The following SMIM14 variants were observed in gnomAD, a reference collection of about 807,000 sequenced individuals.
SMIM14 encodes the protein chromosome 4 open reading frame 34.
In SMIM14, 5 loss-of-function variants were observed where a neutral mutation model predicts 12.6. That is an observed-to-expected ratio of 0.40 (90% confidence interval 0.21 to 0.83). The LOEUF (loss-of-function observed/expected upper bound fraction) is 0.83. SMIM14 is among the 40% of genes least tolerant of loss of function. The probability of loss-of-function intolerance (pLI) is 0.37; values close to 1 mark genes in which losing one functional copy is unlikely to be tolerated. For synonymous variants in SMIM14, 30 were observed against 40.1 expected (o/e 0.75, Z 0.95); for missense variants, 86 against 119.1 (o/e 0.72, Z 1.29).
chr4:39,629,275 C>T lies in SMIM14; in HGVS notation c.-36+9464G>A, dbSNP rs562899903. On this transcript the variant is annotated intron_variant, in intron 1 of 4. Transcript: ENST00000295958. Reference sequence around the variant, plus strand: ...ACTTGGGAGGCTGAGGCAGGAGAATCGCTTGAACCCAGGAAGCAGAGGTTG... The same window carrying T: ...ACTTGGGAGGCTGAGGCAGGAGAATTGCTTGAACCCAGGAAGCAGAGGTTG... Among the ~76,000 whole-genome samples, 124 of 149,208 alleles carry T rather than the reference C, an allele frequency of 8.3e-4. 1 individual carries two copies. The highest frequency in any genetic ancestry group is 1.5e-3 in the Non-Finnish European group (102 of 67,520).
At chr4:39,604,430 G>A (rs575576006) in intron 2 of SMIM14, among the ~76,000 whole-genome samples, 1 of 151,676 alleles carries the variant, frequency 6.6e-6, no homozygotes, top group African/African-American at 2.4e-5. Context: ...CCAGTTACTC[G>A]GGAGGCTGAG....
chr4:39,570,139 T>C lies in SMIM14; in HGVS notation c.124+2276A>G, dbSNP rs1453386450. 2.0e-5 allele frequency among the ~76,000 whole-genome samples: 3 copies of C among 152,150 alleles called. No individual in the cohort carries two copies. The East Asian group carries it at 5.8e-4, about 29-fold the overall frequency. On this transcript the variant is annotated intron_variant, in intron 3 of 4. Coordinates refer to ENST00000295958, the MANE Select transcript of SMIM14 (RefSeq NM_174921.3). ...CACACACATTAATAAATTTGCTTTT[T>C]CCTTGTTCATCTATCTTTTTTTTGT...
chr4:39,633,340 AGAC>A (rs1299786394), intron 1 of SMIM14, among the ~76,000 whole-genome samples: 2 of 152,206 alleles, frequency 1.3e-5, no homozygotes, highest in Non-Finnish European at 2.9e-5. Flanking sequence ...ATTTGTAATT[AGAC>A]TGGCTGCTGT....
chr4:39,559,907 A>G (rs554528483), intron 3 of SMIM14, among the ~76,000 whole-genome samples: 1 of 151,820 alleles, frequency 6.6e-6, no homozygotes, highest in Non-Finnish European at 1.5e-5. Context: ...CCTTGAACTC[A>G]GGAGTTTGAG....
At chr4:39,587,722 A>G (rs1351561934) in intron 2 of SMIM14, among the ~76,000 whole-genome samples, 1 of 152,008 alleles carries the variant, frequency 6.6e-6, no homozygotes, top group Non-Finnish European at 1.5e-5. Flanking sequence ...ATTGCCCTCC[A>G]TCCTGGGTGA....
At chr4:39,609,699 A>G (rs966591641) in intron 1 of SMIM14, among the ~76,000 whole-genome samples, 4 of 152,224 alleles carry the variant, frequency 2.6e-5, no homozygotes, top group Non-Finnish European at 5.9e-5. Context: ...CGTTACCCCA[A>G]GAGCAATGTG....
chr4:39,603,348 G>A (rs896094811), intron 2 of SMIM14, among the ~76,000 whole-genome samples: 1 of 151,864 alleles, frequency 6.6e-6, no homozygotes, highest in Non-Finnish European at 1.5e-5. Flanking sequence ...CACGAGGTCA[G>A]GAGATTGAGA....
rs1371502228 is a variant in SMIM14, at chr4:39,587,536, G to A, written c.76-15073C>T. Among the ~76,000 whole-genome samples, 6 of 149,078 alleles carry A rather than the reference G, an allele frequency of 4.0e-5. 1 individual carries two copies. Among genetic ancestry groups the A allele is most frequent in the African/African-American group, 7.4e-5 (3 of 40,500 alleles). The stretch of plus-strand genomic sequence containing the variant: ...AAAAAAAAAAATTCTAGAAAGATGT[G>A]TGTCTATACTTTCCAAAAACAGCCA... On this transcript the variant is annotated intron_variant, in intron 2 of 4. Transcript: ENST00000295958.
chr4:39,634,130 C>T (rs578118148), intron 1 of SMIM14, among the ~76,000 whole-genome samples: 90 of 152,224 alleles, frequency 5.9e-4, no homozygotes, highest in African/African-American at 2.0e-3. Context: ...GATTTCACCA[C>T]GTTGGTCAGG....
chr4:39,552,067 C>A lies in SMIM14; in HGVS notation c.*59G>T. 1 of 1,409,482 alleles carries A rather than the reference C, an allele frequency of 7.1e-7. No homozygotes were observed. Among genetic ancestry groups the A allele is most frequent in the South Asian group, 1.3e-5 (1 of 75,780 alleles). 87.3% of individuals were successfully genotyped at this position (1,409,482 alleles called of 1,614,324 possible). On this transcript the variant is annotated 3_prime_UTR_variant, in exon 5 of 5. Coordinates refer to ENST00000295958, the MANE Select transcript of SMIM14 (RefSeq NM_174921.3). ...CTAATGGGGTTAAGAGTACTCTGGT[C>A]ATCTTCGTTCGTTTGGTCGTGCAAG...
chr4:39,572,446 G>T lies in SMIM14; in HGVS notation c.93C>A (p.Ser31=), dbSNP rs757011123. 6.2e-7 allele frequency: 1 copy of T among 1,610,846 alleles called. No individual in the cohort carries two copies. Among genetic ancestry groups the T allele is most frequent in the South Asian group, 1.1e-5 (1 of 90,758 alleles). Reference sequence around the variant, plus strand: ...GAAGACACTCTGTGTCTGTGCAGTAGGACTGGGACTGCCGTAACTACAATG... The same window carrying T: ...GAAGACACTCTGTGTCTGTGCAGTATGACTGGGACTGCCGTAACTACAATG... ...RLINLLRQSQ[S]YCTDTECLQE... is the part of the protein sequence containing the mutation. The change falls in exon 3 of 5, where the codon TCC becomes TCA. Residue 31 remains serine (S), a synonymous_variant. Coordinates refer to ENST00000295958, the MANE Select transcript of SMIM14 (RefSeq NM_174921.3).
At chr4:39,627,837 C>T (rs963282139) in intron 1 of SMIM14, among the ~76,000 whole-genome samples, 1 of 152,140 alleles carries the variant, frequency 6.6e-6, no homozygotes, top group Non-Finnish European at 1.5e-5. Context: ...GGTCAAGGTC[C>T]AGGGGTAAAA....
chr4:39,609,482 G>C (rs925253806), intron 1 of SMIM14, among the ~76,000 whole-genome samples: 4 of 152,150 alleles, frequency 2.6e-5, no homozygotes, highest in Non-Finnish European at 5.9e-5. Flanking sequence ...AGTAGAAGGT[G>C]TGAGACTTGG....
At chr4:39,563,270 C>T (rs1364542404) in intron 3 of SMIM14, among the ~76,000 whole-genome samples, 8 of 152,110 alleles carry the variant, frequency 5.3e-5, no homozygotes, top group Non-Finnish European at 2.9e-5. Flanking sequence ...CCATGTTGAC[C>T]AGGCTGGTCT....
chr4:39,601,529 G>A (rs1443029000), intron 2 of SMIM14, among the ~76,000 whole-genome samples: 7 of 152,154 alleles, frequency 4.6e-5, no homozygotes, highest in Non-Finnish European at 1.0e-4. Flanking sequence ...ATAACTAACG[G>A]CAAAAAATTA....
chr4:39,630,252 C>T (rs528987888), intron 1 of SMIM14, among the ~76,000 whole-genome samples: 14 of 152,114 alleles, frequency 9.2e-5, no homozygotes, highest in Middle Eastern at 3.4e-3. Flanking sequence ...TAATAATTAG[C>T]CAGGCATGCT....
intron 2 of SMIM14, among the ~76,000 whole-genome samples, chr4:39,576,652 G>GTGTA (rs535665584): frequency 6.6e-5 from 2 of 30,122 alleles, no homozygotes; most frequent in African/African-American, 9.6e-5. Context: ...CTATGTGTGT[G>GTGTA]TGTATGTGTA....
chr4:39,598,396 T>G (rs1489009503), intron 2 of SMIM14, among the ~76,000 whole-genome samples: 1 of 152,232 alleles, frequency 6.6e-6, no homozygotes, highest in African/African-American at 2.4e-5. Context: ...GCAACCATTT[T>G]CAACTTTTAG....
chr4:39,626,919 T>A (rs1474230613), intron 1 of SMIM14, among the ~76,000 whole-genome samples: 1 of 152,194 alleles, frequency 6.6e-6, no homozygotes, highest in African/African-American at 2.4e-5. Context: ...AATGTGACCC[T>A]ATTTTCTCAG....
Sources: allele counts gnomAD v4.1 joint callset (sites outside exome capture counted in the v4.1 genomes callset), GRCh38; gene constraint gnomAD v4.1.1; transcripts MANE v1.5; gene names NCBI Gene and HGNC (gene_info 2026-07-23, HGNC 2026-07-21).